STRN3: variants seen among roughly 807,000 people sequenced by gnomAD.
The protein encoded by STRN3 is striatin-3.
In STRN3, 29 loss-of-function variants were observed where a neutral mutation model predicts 95.6. That is an observed-to-expected ratio of 0.30 (90% CI 0.23 to 0.41). The LOEUF (loss-of-function observed/expected upper bound fraction) is 0.41. STRN3 is among the 10% of genes least tolerant of loss of function. STRN3 has a pLI of 1.00. For missense variants in STRN3, 890 were observed against 972.1 expected (o/e 0.92, Z 1.12); for synonymous variants, 331 against 357.6 (o/e 0.93, Z 0.84).
At chr14:30,977,167 A>G (rs138582110) in intron 1 of STRN3, among the ~76,000 whole-genome samples, 8,574 of 152,258 alleles carry the variant, frequency 0.056, 437 homozygotes, top group East Asian at 0.21. Flanking sequence ...CAGAGGCTGC[A>G]GTGAGCAGAT....
intron 2 of STRN3, 53 bp downstream of exon 2, chr14:30,956,086 A>G (rs765252563): frequency 9.9e-6 from 14 of 1,420,392 alleles, no homozygotes; most frequent in East Asian, 2.3e-5. Context: ...AATGGTATAC[A>G]TGAGTATACT....
intron 14 of STRN3, among the ~76,000 whole-genome samples, chr14:30,906,267 A>G (rs1329189864): frequency 1.3e-5 from 2 of 152,170 alleles, no homozygotes; most frequent in African/African-American, 4.8e-5. Context: ...AAAATTATAT[A>G]TTTACTATTC....
chr14:30,962,591 T>TG, intron 1 of STRN3, among the ~76,000 whole-genome samples: 2 of 152,348 alleles, frequency 1.3e-5, no homozygotes, highest in East Asian at 3.9e-4. Flanking sequence ...CACAGTGCAG[T>TG]GGCACGATCA....
chr14:30,929,905 T>C lies in STRN3; in HGVS notation c.989-594A>G, dbSNP rs573430849. On this transcript the variant is annotated intron_variant, in intron 7 of 17. Coordinates refer to ENST00000357479, the MANE Select transcript of STRN3 (RefSeq NM_001083893.2). ...CCCACCTCTGCCCCACCCACCCAAATAGTTCAACATCTCATTACCTTCTTC... is the reference window on the plus strand; with the variant it reads ...CCCACCTCTGCCCCACCCACCCAAACAGTTCAACATCTCATTACCTTCTTC... Among the ~76,000 whole-genome samples the C allele has an allele frequency of 2.6e-3, 335 of 127,504 alleles. 2 individuals are homozygous for C. Among genetic ancestry groups the C allele is most frequent in the Non-Finnish European group, 4.3e-3 (273 of 64,190 alleles). The allele number at this position is 127,504 out of a possible 152,430, so 83.6% of individuals were successfully genotyped here. A position where few individuals can be genotyped will look rare whatever the true frequency, so the allele number is the denominator to read the frequency against.
intron 1 of STRN3, among the ~76,000 whole-genome samples, chr14:31,009,697 ACT>A (rs1191735684): frequency 6.6e-6 from 1 of 151,890 alleles, no homozygotes; most frequent in African/African-American, 2.4e-5. Flanking sequence ...TAATATAAAA[ACT>A]CTCAAAATAA....
chr14:31,001,478 A>C (rs972126305), intron 1 of STRN3, among the ~76,000 whole-genome samples: 1 of 151,948 alleles, frequency 6.6e-6, no homozygotes, highest in Non-Finnish European at 1.5e-5. Context: ...CAAGGTTGTA[A>C]TGAGCTATGA....
At chr14:30,951,030 T>C (rs1040710266) in intron 3 of STRN3, 86 bp from the exon 4 acceptor site, 1 of 1,109,482 alleles carries the variant, frequency 9.0e-7, no homozygotes, top group African/African-American at 1.6e-5. Context: ...TAAATTCCCA[T>C]AAAAACATAC....
chr14:30,990,539 T>C (rs1881905605), intron 1 of STRN3, among the ~76,000 whole-genome samples: 1 of 152,124 alleles, frequency 6.6e-6, no homozygotes, highest in African/African-American at 2.4e-5. Flanking sequence ...CCTTAACTTA[T>C]AATGAAGACC....
intron 1 of STRN3, among the ~76,000 whole-genome samples, chr14:30,983,459 C>T (rs930300410): frequency 6.6e-6 from 1 of 152,208 alleles, no homozygotes; most frequent in Admixed American, 6.5e-5. Flanking sequence ...ACGGGGGAAT[C>T]GCTTGAACCA....
At chr14:31,013,898 T>TTGAGACAG in intron 1 of STRN3, among the ~76,000 whole-genome samples, 3 of 135,040 alleles carry the variant, frequency 2.2e-5, no homozygotes, top group Non-Finnish European at 5.0e-5. Context: ...TTATTATTAT[T>TTGAGACAG]ATTATTATTA....
intron 1 of STRN3, among the ~76,000 whole-genome samples, chr14:30,981,176 A>C (rs1202062782): frequency 6.6e-6 from 1 of 152,078 alleles, no homozygotes; most frequent in Non-Finnish European, 1.5e-5. Flanking sequence ...TTAACCAGGC[A>C]TGACGGTGTG....
At position 30,904,578 on chromosome 14, in the gene STRN3, T is replaced by C. The variant is rs569012765; in HGVS notation, c.2029+840A>G. Among the ~76,000 whole-genome samples the C allele has an allele frequency of 3.9e-5, 6 of 152,264 alleles. No individual in the cohort carries two copies. The East Asian group carries it at 1.2e-3, about 29-fold the overall frequency. On this transcript the variant is annotated intron_variant, in intron 15 of 17. Transcript: ENST00000357479. ...AACTCCAAGGTAACCAAATTGTTGA[T>C]AAAGAGATGTTCTTTTTTATAGGAA...
chr14:30,904,114 A>T (rs1019319313), intron 15 of STRN3, among the ~76,000 whole-genome samples: 1 of 152,196 alleles, frequency 6.6e-6, no homozygotes, highest in Admixed American at 6.5e-5. Flanking sequence ...TAGTACCCCA[A>T]CTGTAGTCTC....
intron 13 of STRN3, 56 bp downstream of exon 13, chr14:30,910,985 T>G (rs3736742): frequency 0.21 from 324,161 of 1,572,278 alleles, 38,151 homozygotes; most frequent in East Asian, 0.5. Flanking sequence ...TTTGAGGTAT[T>G]TACTTTTGTC....
intron 16 of STRN3, among the ~76,000 whole-genome samples, chr14:30,898,126 G>A (rs1209379581): frequency 1.3e-5 from 2 of 152,018 alleles, no homozygotes; most frequent in African/African-American, 2.4e-5. Context: ...AGAGGCACAC[G>A]ACACCATGCC....
At chr14:30,998,172 T>C (rs1401244359) in intron 1 of STRN3, among the ~76,000 whole-genome samples, 1 of 152,168 alleles carries the variant, frequency 6.6e-6, no homozygotes, top group African/African-American at 2.4e-5. Flanking sequence ...ATATATCTGG[T>C]GGTTCTGTGG....
intron 7 of STRN3, among the ~76,000 whole-genome samples, chr14:30,933,290 A>AAC (rs1333899919): frequency 2.7e-5 from 4 of 150,126 alleles, no homozygotes; most frequent in East Asian, 1.9e-4. Flanking sequence ...TAAAAAAAAA[A>AAC]AAAAAAAAAA....
intron 1 of STRN3, among the ~76,000 whole-genome samples, chr14:31,023,376 G>A (rs1298939348): frequency 6.6e-6 from 1 of 152,138 alleles, no homozygotes; most frequent in African/African-American, 2.4e-5. Context: ...CTTTAGTTTG[G>A]TTCCAAGTTT....
Position 31,026,286 on chromosome 14 carries a change from G to A in STRN3, c.-101C>T, listed in dbSNP as rs1219494633. The A allele has an allele frequency of 8.0e-7, 1 of 1,257,570 alleles. No individual in the cohort carries two copies. The highest frequency in any genetic ancestry group is 1.0e-6 in the Non-Finnish European group (1 of 979,394). 77.9% of individuals were successfully genotyped at this position (1,257,570 alleles called of 1,614,324 possible). A position where few individuals can be genotyped will look rare whatever the true frequency, so the allele number is the denominator to read the frequency against. On this transcript the variant is annotated 5_prime_UTR_variant, in exon 1 of 18. Transcript: ENST00000357479. ...GCTGGCTGCGGGGCGGAGGCCGGCC[G>A]GGAGAGGGGCGGGGAAGGGGTCGTT...
Sources: allele counts gnomAD v4.1 joint callset (sites outside exome capture counted in the v4.1 genomes callset), GRCh38; gene constraint gnomAD v4.1.1; transcripts MANE v1.5; gene names NCBI Gene and HGNC (gene_info 2026-07-23, HGNC 2026-07-21).